GARNL3: variants seen among roughly 807,000 people sequenced by gnomAD.
GARNL3 encodes the protein GTPase activating Rap/RanGAP domain like 3, also known as GTPase-activating Rap/Ran-GAP domain-like protein 3.
In GARNL3, 63 loss-of-function variants were observed where a neutral mutation model predicts 125.0. The ratio of observed to expected loss-of-function variants is 0.50; its 90% CI spans 0.41 to 0.62. The LOEUF (loss-of-function observed/expected upper bound fraction) is 0.62, where lower values mean the gene tolerates loss of function less well. Ranked by LOEUF, GARNL3 falls within the 20% of genes least tolerant of loss-of-function variation. The probability of loss-of-function intolerance (pLI) is 0.00; values close to 1 mark genes in which losing one functional copy is unlikely to be tolerated. For missense variants in GARNL3, 994 were observed against 1,244.0 expected, an observed-to-expected ratio of 0.80 and a Z score of 3.02; for synonymous variants, 439 against 457.5, an observed-to-expected ratio of 0.96 and a Z score of 0.52.
intron 6 of GARNL3, among the ~76,000 whole-genome samples, chr9:127,323,956 C>T (rs1464191959): frequency 6.6e-6 from 1 of 152,000 alleles, no homozygotes; most frequent in African/African-American, 2.4e-5. Flanking sequence ...TCCCAGAATT[C>T]AGAAATAATA....
At chr9:127,256,516 G>A (rs1449344156) in intron 2 of GARNL3, among the ~76,000 whole-genome samples, 1 of 152,176 alleles carries the variant, frequency 6.6e-6, no homozygotes. Context: ...TGTACTTTGT[G>A]TCTTTCTTTC....
chr9:127,304,529 T>G (rs1390373468), intron 2 of GARNL3, among the ~76,000 whole-genome samples: 3 of 96,010 alleles, frequency 3.1e-5, no homozygotes, highest in Admixed American at 1.4e-4. Context: ...GTGGCTTTAT[T>G]CTTTTTTTTT....
rs532454681 is a variant in GARNL3, at chr9:127,330,961, A to G, written c.595-1313A>G. ...ATTTTTAATACTCTCAGATCCAGCT[A>G]TCCTGAATCCTGGCAATCGCCTTGA... On this transcript the variant is annotated intron_variant, in intron 7 of 27. Coordinates refer to ENST00000373387, the MANE Select transcript of GARNL3 (RefSeq NM_032293.5). 2.0e-5 allele frequency among the ~76,000 whole-genome samples: 3 copies of G among 152,294 alleles called. No individual in the cohort carries two copies. The East Asian group carries it at 5.8e-4, about 29-fold the overall frequency.
At chr9:127,292,646 C>G (rs1237222710) in intron 2 of GARNL3, among the ~76,000 whole-genome samples, 1 of 152,242 alleles carries the variant, frequency 6.6e-6, no homozygotes, top group Non-Finnish European at 1.5e-5. Context: ...CCTGCCGCAT[C>G]CAGTGTCTGG....
intron 1 of GARNL3, among the ~76,000 whole-genome samples, chr9:127,238,090 G>A (rs147192208): frequency 2.3e-3 from 345 of 152,250 alleles, no homozygotes; most frequent in African/African-American, 5.9e-3. Context: ...TATGCCAGAC[G>A]AATACCTGCC....
At chr9:127,264,636 C>T, upstream of GARNL3, 2 of 1,140,788 alleles carry the variant, frequency 1.8e-6, no homozygotes, top group African/African-American at 3.2e-5. Context: ...TCTGGTTATA[C>T]AGAAATGAAA....
intron 4 of GARNL3, among the ~76,000 whole-genome samples, chr9:127,313,794 C>A (rs62578835): frequency 0.14 from 21,315 of 152,020 alleles, 1,892 homozygotes; most frequent in East Asian, 0.21. Flanking sequence ...TGCTAATTAC[C>A]GCATTCTAGT....
At chr9:127,254,182 A>T (rs1308450233) in intron 2 of GARNL3, among the ~76,000 whole-genome samples, 1 of 152,174 alleles carries the variant, frequency 6.6e-6, no homozygotes, top group African/African-American at 2.4e-5. Flanking sequence ...CGAAGATTCT[A>T]ATTGAGGAGG....
rs764279982 is a variant in GARNL3 at position 127,335,329 on chromosome 9, A to G, written c.869A>G (p.Gln290Arg). 1.7e-5 allele frequency: 28 copies of G among 1,605,672 alleles called. No individual in the cohort carries two copies. The South Asian group carries it at 3.0e-4, about 17-fold the overall frequency. The change falls in exon 10 of 28, where the codon CAG becomes CGG. Residue 290 changes from glutamine (Q) to arginine (R), a missense_variant. This residue lies in a region of GARNL3 where 19 missense variants were observed against 46.4 expected (regional missense o/e 0.41). Transcript: ENST00000373387. The part of the protein sequence containing the change: ...TMLPYSKENK[Q>R]QVERKRHIGN... ...TTGCCATATTCCAAAGAGAACAAAC[A>G]GCAGGTACATGTGAACATACAAACC...
At chr9:127,235,734 A>T (rs1010429147) in intron 1 of GARNL3, among the ~76,000 whole-genome samples, 2 of 152,180 alleles carry the variant, frequency 1.3e-5, no homozygotes, top group African/African-American at 2.4e-5. Context: ...AGAGTTGACC[A>T]CTGGGTTTAG....
At chr9:127,276,649 C>T (rs1346037385) in intron 1 of GARNL3, among the ~76,000 whole-genome samples, 2 of 152,238 alleles carry the variant, frequency 1.3e-5, no homozygotes, top group Non-Finnish European at 2.9e-5. Context: ...AAGCTGAACT[C>T]ACCCTGTCTC....
chr9:127,313,251 A>T, intron 3 of GARNL3, 190 bp from the exon 4 acceptor site: 1 of 587,918 alleles, frequency 1.7e-6, no homozygotes, highest in Non-Finnish European at 3.1e-6. Flanking sequence ...TTCATTCCTG[A>T]ACCAGTCACT....
At position 127,318,234 on chromosome 9, in the gene GARNL3, CTGTG is replaced by C. The variant is rs2065294865; in HGVS notation, c.503+111_503+114del. 2.4e-5 allele frequency: 19 copies of C among 790,408 alleles called. No individual in the cohort carries two copies. The Admixed American group carries it at 3.4e-4, about 14-fold the overall frequency. 49.0% of individuals were successfully genotyped at this position (790,408 alleles called of 1,614,324 possible). A position where few individuals can be genotyped will look rare whatever the true frequency, so the allele number is the denominator to read the frequency against. ...ACCTTTCCATTGTCTTGAGCCTTGA[CTGTG>C]TGTAAGATGTTTTGCTAAGCACTTG... On this transcript the variant is annotated intron_variant, in intron 5 of 27. Transcript: ENST00000373387.
At chr9:127,344,378 G>C (rs769314664) in intron 15 of GARNL3, 39 bp downstream of exon 15, 2 of 1,376,180 alleles carry the variant, frequency 1.5e-6, no homozygotes, top group South Asian at 1.2e-5. Flanking sequence ...GAGACATGTA[G>C]TTTTGAGTTC....
chr9:127,336,832 C>T (rs1829580829), intron 11 of GARNL3, among the ~76,000 whole-genome samples: 1 of 152,248 alleles, frequency 6.6e-6, no homozygotes, highest in Admixed American at 6.5e-5. Flanking sequence ...GCCCAGCAGA[C>T]ACTCAGTTGT....
chr9:127,308,946 A>G (rs1205507873), intron 2 of GARNL3, among the ~76,000 whole-genome samples: 1 of 152,206 alleles, frequency 6.6e-6, no homozygotes, highest in African/African-American at 2.4e-5. Flanking sequence ...AACAGTAGGT[A>G]AATCTGGTAA....
At chr9:127,226,478 C>T (rs893121653) in intron 1 of GARNL3, among the ~76,000 whole-genome samples, 7 of 152,220 alleles carry the variant, frequency 4.6e-5, no homozygotes, top group Non-Finnish European at 1.0e-4. Flanking sequence ...CCAGAGCTGG[C>T]TCAGGCCTGG....
chr9:127,300,278 T>G, intron 2 of GARNL3: 1 of 250,762 alleles, frequency 4.0e-6, no homozygotes, highest in Non-Finnish European at 8.2e-6. Flanking sequence ...ATTTCAAAAG[T>G]TAGAGGCCAC....
At chr9:127,353,195 C>G (rs565339383) in intron 17 of GARNL3, among the ~76,000 whole-genome samples, 2 of 152,156 alleles carry the variant, frequency 1.3e-5, no homozygotes, top group Non-Finnish European at 2.9e-5. Context: ...CACTTCAGTT[C>G]GTTTTTCCTG....
Sources: allele counts gnomAD v4.1 joint callset (sites outside exome capture counted in the v4.1 genomes callset), GRCh38; gene constraint gnomAD v4.1.1; regional missense constraint gnomAD v4.1.1; transcripts MANE v1.5; gene names NCBI Gene and HGNC (gene_info 2026-07-23, HGNC 2026-07-21).